KIAA1217: variants seen among roughly 807,000 people sequenced by gnomAD.
KIAA1217 encodes KIAA1217, also known as sickle tail protein homolog.
KIAA1217 carries 88 observed loss-of-function variants against 163.9 expected under a neutral mutation model. The ratio of observed to expected loss-of-function variants is 0.54; its 90% confidence interval spans 0.45 to 0.64. KIAA1217 has a LOEUF of 0.64. KIAA1217 is among the 30% of genes least tolerant of loss of function. The pLI is 0.00. For synonymous variants in KIAA1217, 903 were observed against 923.1 expected (o/e 0.98, Z 0.39); for missense variants, 2,372 against 2,475.0 (o/e 0.96, Z 0.88).
chr10:23,914,239 G>T (rs574818070), intron 1 of KIAA1217, among the ~76,000 whole-genome samples: 1 of 152,256 alleles, frequency 6.6e-6, no homozygotes, highest in East Asian at 1.9e-4. Context: ...TACAAAGAGG[G>T]CTGCACAGGG....
rs71281596 is a variant in KIAA1217, at chr10:24,280,809, C to CAA, written c.354+60916_354+60917dup. 2.1e-3 allele frequency among the ~76,000 whole-genome samples: 226 copies of CAA among 106,062 alleles called. 3 individuals are homozygous for CAA. The highest frequency in any genetic ancestry group is 5.8e-3 in the African/African-American group (162 of 28,150). The allele number at this position is 106,062 out of a possible 152,430, so 69.6% of individuals were successfully genotyped here. A position where few individuals can be genotyped will look rare whatever the true frequency, so the allele number is the denominator to read the frequency against. On this transcript the variant is annotated intron_variant, in intron 2 of 20. Coordinates refer to ENST00000376454, the MANE Select transcript of KIAA1217 (RefSeq NM_019590.5). ...TGGGCAACAGAGCGAGACTCCGTCTCAAAAAAAAAAAAAAAAAGAATAAAC... is the reference window on the plus strand; with the variant it reads ...TGGGCAACAGAGCGAGACTCCGTCTCAAAAAAAAAAAAAAAAAAAGAATAAAC...
intron 3 of KIAA1217, among the ~76,000 whole-genome samples, chr10:24,390,471 G>GA: frequency 8.7e-6 from 1 of 115,090 alleles, no homozygotes; most frequent in Non-Finnish European, 1.7e-5. Context: ...GAGGGAGGGA[G>GA]GGAGGGAAGG....
intron 2 of KIAA1217, among the ~76,000 whole-genome samples, chr10:24,225,038 G>A (rs962277502): frequency 6.6e-6 from 1 of 152,040 alleles, no homozygotes; most frequent in Non-Finnish European, 1.5e-5. Flanking sequence ...TGTTAGCCAG[G>A]ATGGTCTCGA....
At chr10:23,879,618 A>G (rs1163604751) in intron 1 of KIAA1217, among the ~76,000 whole-genome samples, 3 of 151,934 alleles carry the variant, frequency 2.0e-5, no homozygotes, top group African/African-American at 7.2e-5. Flanking sequence ...TCTTGGCTGG[A>G]GTGGATTCAA....
chr10:24,073,969 G>T (rs1213459100), intron 2 of KIAA1217, among the ~76,000 whole-genome samples: 3 of 152,078 alleles, frequency 2.0e-5, no homozygotes, highest in African/African-American at 7.2e-5. Context: ...GGGATACATT[G>T]TGTACTGCAG....
At chr10:23,986,922 T>C (rs1434765816) in intron 1 of KIAA1217, among the ~76,000 whole-genome samples, 2 of 152,148 alleles carry the variant, frequency 1.3e-5, no homozygotes, top group African/African-American at 4.8e-5. Context: ...GTTAGCAAAG[T>C]GTAGTCTTGG....
intron 2 of KIAA1217, among the ~76,000 whole-genome samples, chr10:24,230,022 A>G (rs769667159): frequency 1.3e-5 from 2 of 152,208 alleles, no homozygotes; most frequent in Admixed American, 6.5e-5. Flanking sequence ...AATAAGCCAC[A>G]ATAGGAAGAG....
chr10:24,101,884 A>G (rs1411094460), intron 2 of KIAA1217, among the ~76,000 whole-genome samples: 1 of 152,122 alleles, frequency 6.6e-6, no homozygotes, highest in East Asian at 1.9e-4. Flanking sequence ...TGACATATCC[A>G]GTGAGTGGAA....
chr10:23,788,967 T>A (rs923092509), intron 1 of KIAA1217, among the ~76,000 whole-genome samples: 4 of 152,202 alleles, frequency 2.6e-5, no homozygotes, highest in African/African-American at 4.8e-5. Flanking sequence ...AAGGGACAAT[T>A]TTTGATATAT....
In KIAA1217 at chr10:23,832,951, T is replaced by C. The variant is rs144816478; in HGVS notation, c.-321+137717T>C. 3.8e-3 allele frequency among the ~76,000 whole-genome samples: 576 copies of C among 152,266 alleles called. 9 individuals are homozygous for C. The highest frequency in any genetic ancestry group is 0.013 in the African/African-American group (531 of 41,570). On this transcript the variant is annotated intron_variant, in intron 1 of 18. Transcript: ENST00000376462. ...GTCCGATCTCATGAGACTTATTCAC[T>C]ATCATGAGAACAGCAGGGAAAGAAC... is the stretch of plus-strand genomic sequence containing the variant.
intron 2 of KIAA1217, among the ~76,000 whole-genome samples, chr10:24,248,815 A>G (rs1479520313): frequency 2.0e-5 from 3 of 152,188 alleles, no homozygotes; most frequent in Admixed American, 2.0e-4. Flanking sequence ...AGTTTCCTAA[A>G]TGAAAAAAGA....
intron 2 of KIAA1217, among the ~76,000 whole-genome samples, chr10:24,082,230 A>AT (rs112875264): frequency 0.015 from 2,312 of 150,480 alleles, 53 homozygotes; most frequent in African/African-American, 0.053. Context: ...TTTGGACATC[A>AT]TTTTTTTTTC....
intron 1 of KIAA1217, among the ~76,000 whole-genome samples, chr10:23,892,911 A>G (rs1182459108): frequency 6.6e-6 from 1 of 151,894 alleles, no homozygotes; most frequent in Non-Finnish European, 1.5e-5. Flanking sequence ...GGTGCGGAAA[A>G]CAACGTGGCA....
At chr10:24,349,884 G>A (rs918363703) in intron 2 of KIAA1217, among the ~76,000 whole-genome samples, 1 of 152,216 alleles carries the variant, frequency 6.6e-6, no homozygotes, top group Non-Finnish European at 1.5e-5. Context: ...GTAATGAAAA[G>A]CTTGTGTACT....
chr10:23,706,444 C>T (rs551556332), intron 1 of KIAA1217, among the ~76,000 whole-genome samples: 3 of 152,226 alleles, frequency 2.0e-5, no homozygotes, highest in African/African-American at 7.2e-5. Flanking sequence ...AGGAAGTTCT[C>T]TTTCTCTTCC....
At chr10:23,712,579 C>T (rs1837332103) in intron 1 of KIAA1217, among the ~76,000 whole-genome samples, 1 of 151,996 alleles carries the variant, frequency 6.6e-6, no homozygotes, top group Admixed American at 6.6e-5. Flanking sequence ...TTTGAACCTG[C>T]TTTATTTCAA....
intron 1 of KIAA1217, among the ~76,000 whole-genome samples, chr10:23,956,628 A>T (rs1295219815): frequency 6.6e-6 from 1 of 152,132 alleles, no homozygotes; most frequent in South Asian, 2.1e-4. Flanking sequence ...ATTTGTAGAG[A>T]AAAGAGATGT....
Position 24,530,280 on chromosome 10 carries a change from CTAAATCACTTTTAAA to C in KIAA1217, c.3083-1548_3083-1534del, listed in dbSNP as rs1221220688. On this transcript the variant is annotated intron_variant, in intron 14 of 20. Coordinates refer to ENST00000376454, the MANE Select transcript of KIAA1217 (RefSeq NM_019590.5). Reference sequence around the variant, plus strand: ...ATTCTATCTGATTTTTTAAATTTGCCTAAATCACTTTTAAATTACTCCCCAAGGTATTTTGACTTA... The same window carrying C: ...ATTCTATCTGATTTTTTAAATTTGCCTTACTCCCCAAGGTATTTTGACTTA... Among the ~76,000 whole-genome samples the C allele has an allele frequency of 4.6e-5, 7 of 152,074 alleles. No individual in the cohort carries two copies. In the East Asian group the frequency reaches 1.3e-3, roughly 29 times the overall value.
intron 2 of KIAA1217, among the ~76,000 whole-genome samples, chr10:24,302,307 T>G (rs1015774573): frequency 6.6e-6 from 1 of 152,086 alleles, no homozygotes; most frequent in Non-Finnish European, 1.5e-5. Context: ...GGGTAAGGAG[T>G]GAATCCCTGG....
Sources: gnomAD v4.1 joint callset for allele counts (sites outside exome capture counted in the v4.1 genomes callset) on GRCh38, gnomAD v4.1.1 for gene constraint, MANE v1.5 for transcripts, NCBI Gene and HGNC (gene_info 2026-07-23, HGNC 2026-07-21) for gene names.